Variants in LRRC49 observed in about 807,000 individuals in gnomAD.
The protein encoded by LRRC49 is leucine-rich repeat-containing protein 49.
A neutral mutation model predicts 83.3 loss-of-function variants in LRRC49; 50 were observed. The observed-to-expected ratio is 0.60, with a 90% CI of 0.48 to 0.76. The LOEUF is 0.76. Ranked by LOEUF, LRRC49 falls within the 30% of genes least tolerant of loss-of-function variation. The probability of loss-of-function intolerance (pLI) is 0.00; values close to 1 mark genes in which losing one functional copy is unlikely to be tolerated. For synonymous variants in LRRC49, 286 were observed against 283.3 expected, an observed-to-expected ratio of 1.01 and a Z score of -0.10; for missense variants, 704 against 809.1, an observed-to-expected ratio of 0.87 and a Z score of 1.58.
At chr15:70,902,234 A>G (rs941045783) in intron 4 of LRRC49, among the ~76,000 whole-genome samples, 1 of 152,196 alleles carries the variant, frequency 6.6e-6, no homozygotes, top group Non-Finnish European at 1.5e-5. Context: ...ATAGTACCTC[A>G]GCCCTTCAGT....
At position 70,984,174 on chromosome 15, in the gene LRRC49, T is replaced by G. The variant is rs1363445643; in HGVS notation, c.1086T>G (p.Asn362Lys). The stretch of plus-strand genomic sequence containing the variant: ...AACGAGTAGCCAATATTGCTACAAA[T>G]GAAGATAGAAAAGATTCTGACTCTC... ...QQQRVANIAT[N>K]EDRKDSDSPQ... is the part of the protein sequence containing the mutation. Residue 362 changes from asparagine to lysine, a missense_variant, in exon 11 of 16, where the codon AAT becomes AAG. By Grantham distance (94) the Asn-to-Lys change is moderately conservative. This residue lies in a region of LRRC49 where 168 missense variants were observed against 140.6 expected (regional missense o/e 1.20). Transcript: ENST00000260382. 1 of 1,613,358 alleles carries G rather than the reference T, an allele frequency of 6.2e-7. No individual in the cohort carries two copies. The highest frequency in any genetic ancestry group is 1.1e-5 in the South Asian group (1 of 91,036).
chr15:70,990,725 G>A (rs951265822), intron 11 of LRRC49, among the ~76,000 whole-genome samples: 2 of 152,214 alleles, frequency 1.3e-5, no homozygotes, highest in Non-Finnish European at 2.9e-5. Context: ...CGTCTTCTGC[G>A]TCACTCACGC....
rs560352233 is a variant in LRRC49 at position 71,039,053 on chromosome 15, G to GA, written c.1857+1727dup. On this transcript the variant is annotated intron_variant, in intron 15 of 15. Transcript: ENST00000260382. Reference sequence around the variant, plus strand: ...TAACCCAGATCAAAGTAGGGTTTTAGAAAAAATGATGGCCGATATGAGTCT... The same window carrying GA: ...TAACCCAGATCAAAGTAGGGTTTTAGAAAAAAATGATGGCCGATATGAGTCT... Among the ~76,000 whole-genome samples the GA allele has an allele frequency of 2.0e-5, 3 of 152,130 alleles. No homozygotes were observed. In the South Asian group the frequency reaches 6.2e-4, roughly 32 times the overall value.
At chr15:70,951,445 G>T (rs1008478103) in intron 8 of LRRC49, among the ~76,000 whole-genome samples, 4 of 152,040 alleles carry the variant, frequency 2.6e-5, no homozygotes, top group African/African-American at 9.7e-5. Context: ...TTTCAGCAAT[G>T]CATTGTATTG....
At chr15:70,861,743 G>C (rs1199312808) in intron 1 of LRRC49, among the ~76,000 whole-genome samples, 1 of 152,152 alleles carries the variant, frequency 6.6e-6, no homozygotes, top group Non-Finnish European at 1.5e-5. Context: ...AAACTGATGA[G>C]GAATGTCACA....
chr15:70,854,001 C>T (rs766894389), intron 1 of LRRC49: 7 of 1,463,766 alleles, frequency 4.8e-6, no homozygotes, highest in African/African-American at 1.5e-5. Context: ...TCCTCCAACT[C>T]GTCCACGTCC....
rs117852680 is a variant in LRRC49 at position 70,916,086 on chromosome 15, A to G, written c.568-2964A>G. On this transcript the variant is annotated intron_variant, in intron 6 of 15. Coordinates refer to ENST00000260382, the MANE Select transcript of LRRC49 (RefSeq NM_017691.5). ...TCTAGTGATTGTGAAATTCATTTTA[A>G]TGTTCATCAGGTTTATGAAGTCCTC... Among the ~76,000 whole-genome samples the G allele has an allele frequency of 1.1e-4, 16 of 152,262 alleles. No individual in the cohort carries two copies. In the East Asian group the frequency reaches 3.1e-3, roughly 29 times the overall value.
At chr15:70,879,377 T>A (rs1041365290) in intron 2 of LRRC49, among the ~76,000 whole-genome samples, 3 of 152,342 alleles carry the variant, frequency 2.0e-5, no homozygotes, top group African/African-American at 7.2e-5. Context: ...TGATATTAGG[T>A]CACACTTTCT....
chr15:70,942,104 AG>A (rs1314097524), intron 8 of LRRC49, among the ~76,000 whole-genome samples: 1 of 150,924 alleles, frequency 6.6e-6, no homozygotes, highest in African/African-American at 2.4e-5. Context: ...TCTAAAAAGA[AG>A]GCTTCTGGAA....
At chr15:70,909,168 A>G (rs969206419) in intron 5 of LRRC49, among the ~76,000 whole-genome samples, 1 of 152,210 alleles carries the variant, frequency 6.6e-6, no homozygotes, top group African/African-American at 2.4e-5. Context: ...TACAATCTCC[A>G]TTATCCCTGA....
chr15:70,859,793 C>T (rs1301420872), intron 1 of LRRC49: 5 of 747,958 alleles, frequency 6.7e-6, no homozygotes, highest in African/African-American at 1.7e-5. Flanking sequence ...GGCCTCTCTG[C>T]AATGGGCCAG....
intron 14 of LRRC49, among the ~76,000 whole-genome samples, chr15:71,035,900 C>A (rs2039504894): frequency 6.6e-6 from 1 of 152,026 alleles, no homozygotes; most frequent in Non-Finnish European, 1.5e-5. Flanking sequence ...TGGTTCCAGG[C>A]CTTCAAAGAA....
intron 8 of LRRC49, among the ~76,000 whole-genome samples, chr15:70,961,332 C>T (rs919554929): frequency 3.9e-5 from 6 of 152,100 alleles, no homozygotes; most frequent in Non-Finnish European, 5.9e-5. Context: ...GAAGATAGTT[C>T]GGCAGTTTCT....
At chr15:71,041,226 A>T (rs1432911478) in intron 15 of LRRC49, among the ~76,000 whole-genome samples, 1 of 152,210 alleles carries the variant, frequency 6.6e-6, no homozygotes, top group African/African-American at 2.4e-5. Context: ...GGACTAGAAC[A>T]CCAGTGCATC....
At chr15:70,946,967 C>T (rs1480278283) in intron 8 of LRRC49, among the ~76,000 whole-genome samples, 2 of 152,048 alleles carry the variant, frequency 1.3e-5, no homozygotes, top group African/African-American at 4.8e-5. Flanking sequence ...TATAGACCCC[C>T]AGGTTAGAGA....
chr15:70,990,990 A>G lies in LRRC49; in HGVS notation c.1169+6733A>G, dbSNP rs76479779. On this transcript the variant is annotated intron_variant, in intron 11 of 15. Transcript: ENST00000260382. Reference sequence around the variant, plus strand: ...TCTTCCCCATTAGAATGTAAGCTTCATGAGGAAAGGAATCCTGCTTGATTG... The same window carrying G: ...TCTTCCCCATTAGAATGTAAGCTTCGTGAGGAAAGGAATCCTGCTTGATTG... Among the ~76,000 whole-genome samples, 22 of 152,324 alleles carry G rather than the reference A, an allele frequency of 1.4e-4. 1 individual carries two copies. The highest frequency in any genetic ancestry group is 4.6e-4 in the African/African-American group (19 of 41,576).
At chr15:70,956,626 G>T (rs1441299644) in intron 8 of LRRC49, among the ~76,000 whole-genome samples, 1 of 151,230 alleles carries the variant, frequency 6.6e-6, no homozygotes, top group Non-Finnish European at 1.5e-5. Context: ...GATTTTGTTT[G>T]GTTAGGTAAA....
At chr15:71,047,157 CT>C (rs1334318788) in intron 15 of LRRC49, among the ~76,000 whole-genome samples, 1 of 152,034 alleles carries the variant, frequency 6.6e-6, no homozygotes, top group African/African-American at 2.4e-5. Flanking sequence ...CTTAGGATTG[CT>C]TTGGCTATTC....
intron 14 of LRRC49, among the ~76,000 whole-genome samples, chr15:71,013,732 T>A (rs1032789025): frequency 6.6e-6 from 1 of 152,168 alleles, no homozygotes; most frequent in African/African-American, 2.4e-5. Flanking sequence ...GAATTAGATA[T>A]CTACAAAATA....
Sources: allele counts gnomAD v4.1 joint callset (sites outside exome capture counted in the v4.1 genomes callset), GRCh38; gene constraint gnomAD v4.1.1; regional missense constraint gnomAD v4.1.1; transcripts MANE v1.5; gene names NCBI Gene and HGNC (gene_info 2026-07-23, HGNC 2026-07-21).